UEVLD: variants seen among roughly 807,000 people sequenced by gnomAD.
The protein encoded by UEVLD is ubiquitin-conjugating enzyme E2 variant 3.
UEVLD carries 47 observed loss-of-function variants against 58.6 expected under a neutral mutation model. The observed-to-expected ratio is 0.80, with a 90% confidence interval of 0.63 to 1.02. The LOEUF (loss-of-function observed/expected upper bound fraction) is 1.02, where lower values mean the gene tolerates loss of function less well. UEVLD is among the 50% of genes least tolerant of loss of function. The pLI, the probability that UEVLD is intolerant of heterozygous loss-of-function variation, is 0.00. For synonymous variants in UEVLD, 197 were observed against 195.3 expected (o/e 1.01, Z -0.07); for missense variants, 510 against 550.6 (o/e 0.93, Z 0.74).
chr11:18,587,379 T>C (rs950486966), intron 1 of UEVLD, among the ~76,000 whole-genome samples: 5 of 152,220 alleles, frequency 3.3e-5, no homozygotes, highest in South Asian at 2.1e-4. Flanking sequence ...GTCACTTACA[T>C]AAACAATTTC....
intron 6 of UEVLD, among the ~76,000 whole-genome samples, chr11:18,562,236 C>A (rs925156198): frequency 1.3e-5 from 2 of 152,084 alleles, no homozygotes; most frequent in Non-Finnish European, 2.9e-5. Context: ...CACCACCACA[C>A]CTAGCTAATT....
chr11:18,554,353 A>G (rs1338123032), intron 7 of UEVLD, among the ~76,000 whole-genome samples: 3 of 134,780 alleles, frequency 2.2e-5, no homozygotes, highest in Admixed American at 1.5e-4. Flanking sequence ...CGGCCTCCCA[A>G]AGTGCTGGGA....
rs1850571107 is a variant in UEVLD, at chr11:18,531,811, A to G, written c.*509T>C. 6.6e-6 allele frequency: 1 copy of G among 152,204 alleles called. No individual in the cohort carries two copies. The highest frequency in any genetic ancestry group is 1.5e-5 in the Non-Finnish European group (1 of 68,022). The allele number at this position is 152,204 out of a possible 1,614,324, so 9.4% of individuals were successfully genotyped here. A position where few individuals can be genotyped will look rare whatever the true frequency, so the allele number is the denominator to read the frequency against. ...TTTTTGGTAGGTAATTAATTTGAAG[A>G]AGGGAAATACAATGCTTTACTATTA... On this transcript the variant is annotated 3_prime_UTR_variant, in exon 12 of 12. Coordinates refer to ENST00000396197, the MANE Select transcript of UEVLD (RefSeq NM_001040697.4).
chr11:18,553,543 G>A (rs1851625098), intron 7 of UEVLD, among the ~76,000 whole-genome samples: 1 of 151,632 alleles, frequency 6.6e-6, no homozygotes, highest in African/African-American at 2.4e-5. Flanking sequence ...ACCAAAAAGA[G>A]GTATTAAAAA....
intron 6 of UEVLD, among the ~76,000 whole-genome samples, chr11:18,559,426 T>C (rs1590342518): frequency 6.6e-6 from 1 of 152,254 alleles, no homozygotes; most frequent in Middle Eastern, 3.4e-3. Flanking sequence ...CTCGAACTCC[T>C]GACCTCAAGT....
In UEVLD at chr11:18,531,483, T is replaced by C. The variant is rs1278922397; in HGVS notation, c.*837A>G. On this transcript the variant is annotated 3_prime_UTR_variant, in exon 12 of 12. Coordinates refer to ENST00000396197, the MANE Select transcript of UEVLD (RefSeq NM_001040697.4). Reference sequence around the variant, plus strand: ...GGTTAAAGGATTTGCTCAGAACAAATAAAAAACCTCTCCCTATTATGACCA... The same window carrying C: ...GGTTAAAGGATTTGCTCAGAACAAACAAAAAACCTCTCCCTATTATGACCA... 1 of 152,132 alleles carries C rather than the reference T, an allele frequency of 6.6e-6. No individual in the cohort carries two copies. The highest frequency in any genetic ancestry group is 1.5e-5 in the Non-Finnish European group (1 of 67,992). The allele number at this position is 152,132 out of a possible 1,614,324, so 9.4% of individuals were successfully genotyped here.
chr11:18,572,804 C>CAA (rs11394988), intron 3 of UEVLD, among the ~76,000 whole-genome samples: 250 of 103,032 alleles, frequency 2.4e-3, no homozygotes, highest in Middle Eastern at 5.6e-3. Context: ...AACTCCATCT[C>CAA]AAAAAAAAAA....
intron 1 of UEVLD, among the ~76,000 whole-genome samples, chr11:18,586,369 C>G (rs1853561769): frequency 6.6e-6 from 1 of 152,064 alleles, no homozygotes; most frequent in African/African-American, 2.4e-5. Flanking sequence ...AGCGGGCCAC[C>G]ACGCCTGGCT....
At chr11:18,550,935 A>G (rs951202376) in intron 7 of UEVLD, among the ~76,000 whole-genome samples, 1 of 152,180 alleles carries the variant, frequency 6.6e-6, no homozygotes, top group African/African-American at 2.4e-5. Context: ...AAACCCCCAG[A>G]TGATTCTGAT....
chr11:18,569,676 T>C (rs1241768021), intron 4 of UEVLD, among the ~76,000 whole-genome samples: 2 of 152,142 alleles, frequency 1.3e-5, no homozygotes, highest in African/African-American at 2.4e-5. Context: ...AAATGCTCAA[T>C]ATAATGGTCA....
intron 6 of UEVLD, among the ~76,000 whole-genome samples, chr11:18,562,073 C>T (rs898233573): frequency 6.6e-6 from 1 of 152,136 alleles, no homozygotes; most frequent in African/African-American, 2.4e-5. Flanking sequence ...AAAATATTAA[C>T]GTCTAAAAAG....
intron 8 of UEVLD, among the ~76,000 whole-genome samples, chr11:18,545,072 A>ATG: frequency 2.2e-5 from 1 of 44,894 alleles, no homozygotes. Flanking sequence ...ATCTATATCT[A>ATG]TATTTTTTTT....
intron 7 of UEVLD, among the ~76,000 whole-genome samples, chr11:18,550,031 AG>A (rs1851461897): frequency 6.6e-6 from 1 of 151,768 alleles, no homozygotes; most frequent in Admixed American, 6.6e-5. Flanking sequence ...AATGTTGGCC[AG>A]GCTGGTCTTG....
chr11:18,542,890 C>CTTTTTTCT (rs1554975748), intron 9 of UEVLD, among the ~76,000 whole-genome samples: 1 of 125,902 alleles, frequency 7.9e-6, no homozygotes, highest in Non-Finnish European at 1.6e-5. Flanking sequence ...CTTTTCTTTT[C>CTTTTTTCT]TTTTTTTTTT....
intron 3 of UEVLD, among the ~76,000 whole-genome samples, chr11:18,572,887 T>C (rs1197589640): frequency 1.3e-5 from 2 of 152,014 alleles, no homozygotes; most frequent in African/African-American, 4.8e-5. Flanking sequence ...CCAGGCACTA[T>C]GCCCAGAGCT....
chr11:18,557,687 C>A (rs1364744604), intron 7 of UEVLD, among the ~76,000 whole-genome samples: 1 of 151,890 alleles, frequency 6.6e-6, no homozygotes, highest in Non-Finnish European at 1.5e-5. Flanking sequence ...CCTCAGCCTC[C>A]CACGTAGCTG....
chr11:18,552,547 A>C (rs1851572115), intron 7 of UEVLD, among the ~76,000 whole-genome samples: 1 of 151,958 alleles, frequency 6.6e-6, no homozygotes, highest in Non-Finnish European at 1.5e-5. Context: ...ACTGTCTCAA[A>C]AAATGAAAAT....
intron 3 of UEVLD, among the ~76,000 whole-genome samples, chr11:18,571,461 C>T (rs11024718): frequency 0.2 from 30,733 of 152,066 alleles, 3,221 homozygotes; most frequent in East Asian, 0.25. Flanking sequence ...CAGCCCATGA[C>T]TGGCAAAGCA....
At chr11:18,541,518 T>TACTA (rs1405084670) in intron 9 of UEVLD, among the ~76,000 whole-genome samples, 1 of 152,230 alleles carries the variant, frequency 6.6e-6, no homozygotes, top group Non-Finnish European at 1.5e-5. Flanking sequence ...AGTGTGAATG[T>TACTA]ACTACATTTT....
Sources: allele counts gnomAD v4.1 joint callset (sites outside exome capture counted in the v4.1 genomes callset), GRCh38; gene constraint gnomAD v4.1.1; transcripts MANE v1.5; gene names NCBI Gene and HGNC (gene_info 2026-07-23, HGNC 2026-07-21).